SLC12A6: variants seen among roughly 807,000 people sequenced by gnomAD.
The protein encoded by SLC12A6 is solute carrier family 12 member 6, also known as K-Cl cotransporter 3.
Under a neutral mutation model 135.3 loss-of-function variants are expected in SLC12A6, and 66 were observed. The ratio of observed to expected loss-of-function variants is 0.49; its 90% CI spans 0.40 to 0.60. The LOEUF (loss-of-function observed/expected upper bound fraction) is 0.60, where lower values mean the gene tolerates loss of function less well. SLC12A6 is among the 20% of genes least tolerant of loss of function. The pLI is 0.00. For synonymous variants in SLC12A6, 513 were observed against 508.8 expected (o/e 1.01, Z -0.11); for missense variants, 1,058 against 1,452.3 (o/e 0.73, Z 4.41).
chr15:34,313,109 A>G (rs558349689), intron 2 of SLC12A6, among the ~76,000 whole-genome samples: 1 of 152,350 alleles, frequency 6.6e-6, no homozygotes, highest in Admixed American at 6.5e-5. Context: ...TTTCAAGTGA[A>G]AAGATGTTGG....
At position 34,332,333 on chromosome 15, in the gene SLC12A6, T is replaced by C. The variant is rs543540117; in HGVS notation, c.271+4077A>G. ...GAGTAACAAATATTTGGTGAAGGAA[T>C]AAGTAAAGTGCTCTAGTCATTTTCA... On this transcript the variant is annotated intron_variant, in intron 2 of 25. Coordinates refer to ENST00000354181, the MANE Select transcript of SLC12A6 (RefSeq NM_001365088.1). 1.4e-4 allele frequency among the ~76,000 whole-genome samples: 22 copies of C among 152,336 alleles called. No individual in the cohort carries two copies. The South Asian group carries it at 3.9e-3, about 27-fold the overall frequency.
In SLC12A6 at chr15:34,307,566, C is replaced by A. The variant is rs1896680716; in HGVS notation, c.271+28844G>T. On this transcript the variant is annotated intron_variant, in intron 2 of 25. Coordinates refer to ENST00000354181, the MANE Select transcript of SLC12A6 (RefSeq NM_001365088.1). The stretch of plus-strand genomic sequence containing the variant: ...CAAACTCCTGGTCTACAGCCTCCAT[C>A]TCTCAAAGTGTTGGGATTATAGGCA... Among the ~76,000 whole-genome samples, 3 of 152,190 alleles carry A rather than the reference C, an allele frequency of 2.0e-5. No individual in the cohort carries two copies. In the South Asian group the frequency reaches 6.2e-4, roughly 32 times the overall value.
At chr15:34,320,614 T>G (rs1340621891) in intron 2 of SLC12A6, among the ~76,000 whole-genome samples, 1 of 151,916 alleles carries the variant, frequency 6.6e-6, no homozygotes, top group Non-Finnish European at 1.5e-5. Context: ...TTTTTTTTTT[T>G]TTTTTTTAAA....
chr15:34,258,507 C>T (rs545103643), intron 5 of SLC12A6, among the ~76,000 whole-genome samples: 1 of 152,240 alleles, frequency 6.6e-6, no homozygotes, highest in African/African-American at 2.4e-5. Context: ...GCAACGCCCT[C>T]CACTCTGGAT....
At chr15:34,300,039 G>A (rs1896134673) in intron 2 of SLC12A6, among the ~76,000 whole-genome samples, 1 of 152,114 alleles carries the variant, frequency 6.6e-6, no homozygotes, top group Admixed American at 6.5e-5. Flanking sequence ...AAAAATCGGC[G>A]AGAAAGAAAA....
Position 34,233,570 on chromosome 15 carries a change from G to A in SLC12A6, c.*311C>T, listed in dbSNP as rs1396422816. 3.2e-6 allele frequency: 1 copy of A among 310,934 alleles called. No individual in the cohort carries two copies. Among genetic ancestry groups the A allele is most frequent in the Non-Finnish European group, 6.2e-6 (1 of 161,088 alleles). 19.3% of individuals were successfully genotyped at this position (310,934 alleles called of 1,614,324 possible). On this transcript the variant is annotated 3_prime_UTR_variant, in exon 26 of 26. Transcript: ENST00000354181. ...CTTTTTTTCTTCAGTTGAATTTCTAGCATCCCTTTTACCAATTCATTTATT... is the reference window on the plus strand; with the variant it reads ...CTTTTTTTCTTCAGTTGAATTTCTAACATCCCTTTTACCAATTCATTTATT...
chr15:34,237,327 C>G, intron 22 of SLC12A6, 92 bp downstream of exon 22: 1 of 1,152,978 alleles, frequency 8.7e-7, no homozygotes, highest in Non-Finnish European at 1.3e-6. Flanking sequence ...ACATTTAGAT[C>G]TGAAAAATTT....
chr15:34,302,422 G>A (rs763394089), intron 2 of SLC12A6, among the ~76,000 whole-genome samples: 4 of 152,206 alleles, frequency 2.6e-5, no homozygotes, highest in Non-Finnish European at 5.9e-5. Context: ...CTAGCCAGGT[G>A]TGGTGGCTCA....
chr15:34,262,600 G>A (rs1389426981), intron 3 of SLC12A6, among the ~76,000 whole-genome samples: 1 of 152,198 alleles, frequency 6.6e-6, no homozygotes, highest in Non-Finnish European at 1.5e-5. Flanking sequence ...GACAGACAGA[G>A]CTGTTAACAT....
intron 2 of SLC12A6, among the ~76,000 whole-genome samples, chr15:34,289,443 C>CTCT (rs201466725): frequency 0.44 from 65,984 of 151,646 alleles, 17,003 homozygotes; most frequent in African/African-American, 0.74. Context: ...GTCTAAAATT[C>CTCT]TTTTTTGTTG....
chr15:34,318,633 C>A (rs373111748), intron 2 of SLC12A6: 8 of 1,612,772 alleles, frequency 5.0e-6, no homozygotes, highest in Non-Finnish European at 6.8e-6. Flanking sequence ...GAAGCCGCTG[C>A]CCCCTCCTCT....
intron 2 of SLC12A6, among the ~76,000 whole-genome samples, chr15:34,330,153 G>A (rs1377520104): frequency 1.3e-5 from 2 of 152,040 alleles, no homozygotes; most frequent in Non-Finnish European, 2.9e-5. Flanking sequence ...TCCAAACCAA[G>A]TTCACACACT....
At chr15:34,321,252 G>T (rs561699167) in intron 2 of SLC12A6, among the ~76,000 whole-genome samples, 1 of 152,152 alleles carries the variant, frequency 6.6e-6, no homozygotes, top group Admixed American at 6.5e-5. Flanking sequence ...GGCTGCACAG[G>T]TTCTCTCCTA....
chr15:34,321,254 T>C lies in SLC12A6; in HGVS notation c.271+15156A>G, dbSNP rs557000331. On this transcript the variant is annotated intron_variant, in intron 2 of 25. Transcript: ENST00000354181. ...ATAGCACTGGTTTGGCTGCACAGGT[T>C]CTCTCCTACGGTGAACTATATATAA... Among the ~76,000 whole-genome samples, 4 of 152,316 alleles carry C rather than the reference T, an allele frequency of 2.6e-5. No individual in the cohort carries two copies. The South Asian group carries it at 8.3e-4, about 32-fold the overall frequency.
At chr15:34,273,358 C>A (rs1438354535) in intron 3 of SLC12A6, among the ~76,000 whole-genome samples, 2 of 151,926 alleles carry the variant, frequency 1.3e-5, no homozygotes, top group Non-Finnish European at 2.9e-5. Context: ...CTCAAAAAAA[C>A]CAAAAACCAA....
chr15:34,241,169 C>T (rs189821929), intron 18 of SLC12A6, 64 bp downstream of exon 18: 1 of 888,292 alleles, frequency 1.1e-6, no homozygotes, highest in Non-Finnish European at 1.9e-6. Context: ...ATCCTAAAAT[C>T]AACAAAACAC....
chr15:34,280,048 C>T (rs535156430), intron 2 of SLC12A6, among the ~76,000 whole-genome samples: 1 of 152,326 alleles, frequency 6.6e-6, no homozygotes, highest in Admixed American at 6.5e-5. Context: ...GTGGTACTCA[C>T]TTGCAAAACT....
intron 20 of SLC12A6, chr15:34,238,685 T>A: frequency 1.7e-6 from 1 of 597,296 alleles, no homozygotes. Flanking sequence ...ATTCTTGCAA[T>A]TCCTGTGAGA....
At position 34,267,844 on chromosome 15, in the gene SLC12A6, G is replaced by A. The variant is rs562990870; in HGVS notation, c.317-6824C>T. 2.6e-5 allele frequency among the ~76,000 whole-genome samples: 4 copies of A among 152,248 alleles called. No individual in the cohort carries two copies. In the South Asian group the frequency reaches 8.3e-4, roughly 32 times the overall value. On this transcript the variant is annotated intron_variant, in intron 3 of 25. Transcript: ENST00000354181. The stretch of plus-strand genomic sequence containing the variant: ...AGATTTTCTGCAGTTTCATTAAGAT[G>A]TATCTAGGTGTAGTTCTTTTTGTTT...
Sources: allele counts gnomAD v4.1 joint callset (sites outside exome capture counted in the v4.1 genomes callset), GRCh38; gene constraint gnomAD v4.1.1; transcripts MANE v1.5; gene names NCBI Gene and HGNC (gene_info 2026-07-23, HGNC 2026-07-21).